Variants in PAMR1 observed in about 807,000 individuals in gnomAD.
PAMR1 encodes the protein inactive serine protease PAMR1.
A neutral mutation model predicts 81.8 loss-of-function variants in PAMR1; 88 were observed. That is an observed-to-expected ratio of 1.08 (90% CI 0.91 to 1.28). The LOEUF is 1.28. PAMR1 is among the 50% of genes most tolerant of loss of function. PAMR1 has a pLI of 0.00. For synonymous variants in PAMR1, 336 were observed against 345.3 expected, an observed-to-expected ratio of 0.97 and a Z score of 0.30; for missense variants, 935 against 919.7, an observed-to-expected ratio of 1.02 and a Z score of -0.21.
At chr11:35,468,985 A>T (rs937224985) in intron 5 of PAMR1, among the ~76,000 whole-genome samples, 2 of 152,222 alleles carry the variant, frequency 1.3e-5, no homozygotes, top group Non-Finnish European at 2.9e-5. Context: ...TATTTACCAG[A>T]TTAAAACTAC....
At chr11:35,507,516 GAATT>G (rs1456587188) in intron 1 of PAMR1, among the ~76,000 whole-genome samples, 1 of 152,062 alleles carries the variant, frequency 6.6e-6, no homozygotes, top group Non-Finnish European at 1.5e-5. Flanking sequence ...ATAAATTTCT[GAATT>G]AATAGTCTGT....
chr11:35,510,784 G>T (rs1851058372), intron 1 of PAMR1, among the ~76,000 whole-genome samples: 1 of 152,106 alleles, frequency 6.6e-6, no homozygotes, highest in South Asian at 2.1e-4. Context: ...ATTTTAAATT[G>T]CTGCATAATT....
At chr11:35,486,950 G>A (rs751726697) in intron 3 of PAMR1, among the ~76,000 whole-genome samples, 1 of 152,126 alleles carries the variant, frequency 6.6e-6, no homozygotes, top group East Asian at 1.9e-4. Context: ...TTAGCCATGT[G>A]ACTTCTTTTG....
At chr11:35,469,769 T>G (rs1209964849) in intron 5 of PAMR1, among the ~76,000 whole-genome samples, 2 of 152,132 alleles carry the variant, frequency 1.3e-5, no homozygotes, top group Non-Finnish European at 1.5e-5. Flanking sequence ...GTCTTAATGA[T>G]CAGAATACCA....
Position 35,510,155 on chromosome 11 carries a change from G to T in PAMR1, c.73+15358C>A, listed in dbSNP as rs143052301. ...AGACTTCATTTTTAGAGCAATTTTA[G>T]GTTCACAGCAAAATTAAGAAGAAGG... On this transcript the variant is annotated intron_variant, in intron 1 of 10. Transcript: ENST00000619888. Among the ~76,000 whole-genome samples, 9 of 152,072 alleles carry T rather than the reference G, an allele frequency of 5.9e-5. No homozygotes were observed. The East Asian group carries it at 9.7e-4, about 16-fold the overall frequency.
intron 9 of PAMR1, among the ~76,000 whole-genome samples, chr11:35,435,218 T>C (rs1006472963): frequency 2.6e-5 from 4 of 152,120 alleles, no homozygotes; most frequent in Non-Finnish European, 4.4e-5. Flanking sequence ...ATGACCACAA[T>C]GAACTAAATC....
chr11:35,495,246 T>A (rs1850704326), intron 1 of PAMR1, among the ~76,000 whole-genome samples: 1 of 152,086 alleles, frequency 6.6e-6, no homozygotes, highest in Non-Finnish European at 1.5e-5. Context: ...CCTTAATTAG[T>A]ATGTTTGGGA....
At chr11:35,481,749 C>T (rs1344174914) in intron 3 of PAMR1, among the ~76,000 whole-genome samples, 4 of 152,160 alleles carry the variant, frequency 2.6e-5, no homozygotes, top group Non-Finnish European at 5.9e-5. Context: ...TGACAAACTC[C>T]TGATCTCAAG....
At chr11:35,514,182 T>C (rs955125292) in intron 1 of PAMR1, among the ~76,000 whole-genome samples, 8 of 152,214 alleles carry the variant, frequency 5.3e-5, no homozygotes, top group Non-Finnish European at 1.2e-4. Flanking sequence ...AGATTGTTGA[T>C]GTCACTGCAG....
Position 35,467,450 on chromosome 11 carries a change from A to T in PAMR1, c.820+551T>A, listed in dbSNP as rs547229244. ...CTGTGACACCTGTTTTCGGTCTGGT[A>T]ACCAAGGCCTTATATAAGACATGTG... On this transcript the variant is annotated intron_variant, in intron 6 of 10. Transcript: ENST00000619888. Among the ~76,000 whole-genome samples the T allele has an allele frequency of 9.8e-4, 149 of 152,344 alleles. 2 individuals are homozygous for T. Among genetic ancestry groups the T allele is most frequent in the African/African-American group, 3.5e-3 (144 of 41,580 alleles).
intron 3 of PAMR1, among the ~76,000 whole-genome samples, chr11:35,484,678 G>A (rs1355121899): frequency 6.6e-6 from 1 of 152,224 alleles, no homozygotes; most frequent in Non-Finnish European, 1.5e-5. Context: ...GAAGATAAAT[G>A]TATTAAGGAC....
At chr11:35,491,919 C>T in intron 3 of PAMR1, 126 bp downstream of exon 3, 1 of 782,912 alleles carries the variant, frequency 1.3e-6, no homozygotes. Flanking sequence ...ATAGTTTTAC[C>T]TAGAAAGCCC....
At chr11:35,469,402 C>T (rs1340125814) in intron 5 of PAMR1, among the ~76,000 whole-genome samples, 4 of 152,244 alleles carry the variant, frequency 2.6e-5, no homozygotes, top group East Asian at 3.8e-4. Flanking sequence ...CCAGCCACTG[C>T]TGCCCCTACC....
intron 1 of PAMR1, among the ~76,000 whole-genome samples, chr11:35,522,642 T>C (rs531042753): frequency 6.6e-6 from 1 of 152,360 alleles, no homozygotes; most frequent in South Asian, 2.1e-4. Context: ...AATGCTGCTA[T>C]GAACATTGAT....
chr11:35,458,518 C>T (rs1019690246), intron 6 of PAMR1, among the ~76,000 whole-genome samples: 3 of 152,154 alleles, frequency 2.0e-5, no homozygotes, highest in African/African-American at 7.2e-5. Context: ...CAGGCAGGTA[C>T]TATTCTGTTT....
chr11:35,481,437 T>C (rs1850387659), intron 3 of PAMR1, among the ~76,000 whole-genome samples: 1 of 152,254 alleles, frequency 6.6e-6, no homozygotes, highest in Non-Finnish European at 1.5e-5. Flanking sequence ...GTTTTTAATT[T>C]GCATTTCTCT....
intron 2 of PAMR1, among the ~76,000 whole-genome samples, chr11:35,492,732 A>G (rs1456871621): frequency 6.6e-6 from 1 of 152,028 alleles, no homozygotes; most frequent in Non-Finnish European, 1.5e-5. Flanking sequence ...ATTGGAAACA[A>G]CTCTCCTGTC....
At chr11:35,435,788 C>T (rs1332930917) in intron 9 of PAMR1, 115 bp downstream of exon 9, 2 of 738,244 alleles carry the variant, frequency 2.7e-6, no homozygotes, top group African/African-American at 1.8e-5. Context: ...TTTCAGATAT[C>T]ACCAAACTAG....
intron 3 of PAMR1, among the ~76,000 whole-genome samples, chr11:35,490,130 G>C (rs1410194578): frequency 6.6e-6 from 1 of 152,172 alleles, no homozygotes. Flanking sequence ...GGGAACTCCT[G>C]TTTATAAAAC....
Sources: allele counts gnomAD v4.1 joint callset (sites outside exome capture counted in the v4.1 genomes callset), GRCh38; gene constraint gnomAD v4.1.1; transcripts MANE v1.5; gene names NCBI Gene and HGNC (gene_info 2026-07-23, HGNC 2026-07-21).